PHACTR1: variants seen among roughly 807,000 people sequenced by gnomAD.
The protein encoded by PHACTR1 is phosphatase and actin regulator 1.
PHACTR1 carries 16 observed loss-of-function variants against 69.2 expected under a neutral mutation model. The observed-to-expected ratio is 0.23, with a 90% CI of 0.16 to 0.35. The LOEUF (loss-of-function observed/expected upper bound fraction) is 0.35. Ranked by LOEUF, PHACTR1 falls within the 10% of genes least tolerant of loss-of-function variation. PHACTR1 has a pLI of 1.00. For missense variants in PHACTR1, 510 were observed against 734.7 expected (o/e 0.69, Z 3.54); for synonymous variants, 312 against 284.5 (o/e 1.10, Z -0.97).
At chr6:12,983,439 C>G (rs1014926469) in intron 4 of PHACTR1, among the ~76,000 whole-genome samples, 12 of 152,142 alleles carry the variant, frequency 7.9e-5, no homozygotes, top group African/African-American at 2.7e-4. Flanking sequence ...AAAGTAAAAC[C>G]AAAGAGTCTT....
At chr6:13,149,575 G>A (rs1823989643) in intron 5 of PHACTR1, among the ~76,000 whole-genome samples, 1 of 152,134 alleles carries the variant, frequency 6.6e-6, no homozygotes, top group Admixed American at 6.5e-5. Context: ...AGAGTGGTTG[G>A]GCGTCTGTGT....
At chr6:13,193,535 C>T (rs971317782) in intron 7 of PHACTR1, among the ~76,000 whole-genome samples, 4 of 150,424 alleles carry the variant, frequency 2.7e-5, no homozygotes, top group Admixed American at 6.6e-5. Context: ...TATAGGCATG[C>T]GCCACTACTC....
At chr6:13,011,458 T>G (rs1799441168) in intron 4 of PHACTR1, among the ~76,000 whole-genome samples, 1 of 152,168 alleles carries the variant, frequency 6.6e-6, no homozygotes, top group African/African-American at 2.4e-5. Context: ...TTTATACACT[T>G]AACTTGAACA....
At chr6:12,720,513 A>T (rs1761977374) in intron 3 of PHACTR1, among the ~76,000 whole-genome samples, 1 of 152,206 alleles carries the variant, frequency 6.6e-6, no homozygotes, top group Non-Finnish European at 1.5e-5. Flanking sequence ...AGTGGTCAGA[A>T]TTGTCACCAT....
At chr6:13,260,060 C>T (rs528063949) in intron 10 of PHACTR1, among the ~76,000 whole-genome samples, 5 of 152,190 alleles carry the variant, frequency 3.3e-5, no homozygotes, top group South Asian at 2.1e-4. Context: ...ACTCCAGGGG[C>T]GAGAGATTAT....
intron 3 of PHACTR1, among the ~76,000 whole-genome samples, chr6:12,737,098 C>T (rs1428315383): frequency 6.6e-6 from 1 of 151,934 alleles, no homozygotes; most frequent in African/African-American, 2.4e-5. Flanking sequence ...TGTCATTAGG[C>T]AATTTTGTCA....
chr6:13,124,738 G>A (rs1432738972), intron 5 of PHACTR1, among the ~76,000 whole-genome samples: 1 of 152,202 alleles, frequency 6.6e-6, no homozygotes, highest in African/African-American at 2.4e-5. Flanking sequence ...TGGGGTTCTG[G>A]TAAGGGCTCT....
intron 4 of PHACTR1, among the ~76,000 whole-genome samples, chr6:12,783,972 A>G (rs917688723): frequency 6.6e-6 from 1 of 152,142 alleles, no homozygotes; most frequent in Non-Finnish European, 1.5e-5. Flanking sequence ...TGATATATAC[A>G]TATACACACA....
chr6:13,033,021 C>A (rs1234175581), intron 4 of PHACTR1, among the ~76,000 whole-genome samples: 1 of 152,080 alleles, frequency 6.6e-6, no homozygotes, highest in Admixed American at 6.6e-5. Flanking sequence ...TTCTGAAAGT[C>A]GTAAAAATGA....
At chr6:13,095,537 T>C (rs1814057204) in intron 5 of PHACTR1, among the ~76,000 whole-genome samples, 1 of 152,110 alleles carries the variant, frequency 6.6e-6, no homozygotes, top group Admixed American at 6.6e-5. Flanking sequence ...AAAAAAAATA[T>C]GTATTGTGGG....
At chr6:12,941,600 C>G (rs781725692) in intron 4 of PHACTR1, among the ~76,000 whole-genome samples, 19 of 152,066 alleles carry the variant, frequency 1.2e-4, no homozygotes, top group Admixed American at 3.3e-4. Context: ...TGAATCTGCT[C>G]CTACCTTCAG....
At chr6:12,934,863 T>C (rs1789267284) in intron 4 of PHACTR1, among the ~76,000 whole-genome samples, 1 of 151,888 alleles carries the variant, frequency 6.6e-6, no homozygotes, top group South Asian at 2.1e-4. Context: ...AAAAAAACTT[T>C]AATGAGCACT....
intron 4 of PHACTR1, among the ~76,000 whole-genome samples, chr6:12,828,444 T>G (rs775880323): frequency 2.0e-5 from 3 of 152,206 alleles, no homozygotes; most frequent in Non-Finnish European, 4.4e-5. Context: ...AAAATAATCA[T>G]CAGAAGTAGA....
chr6:12,737,481 G>T (rs1295641061), intron 3 of PHACTR1, among the ~76,000 whole-genome samples: 1 of 151,812 alleles, frequency 6.6e-6, no homozygotes, highest in Non-Finnish European at 1.5e-5. Flanking sequence ...GATTGCGTGT[G>T]TGTATTTTTA....
At chr6:12,840,826 CT>C (rs1203930150) in intron 4 of PHACTR1, among the ~76,000 whole-genome samples, 1 of 152,198 alleles carries the variant, frequency 6.6e-6, no homozygotes, top group Non-Finnish European at 1.5e-5. Flanking sequence ...GATATTATCA[CT>C]GCTTTAAAGG....
chr6:12,913,644 C>T (rs1749990580), intron 4 of PHACTR1, among the ~76,000 whole-genome samples: 1 of 152,194 alleles, frequency 6.6e-6, no homozygotes, highest in African/African-American at 2.4e-5. Flanking sequence ...TTTATCTCAG[C>T]CCCTCTCAAA....
intron 10 of PHACTR1, among the ~76,000 whole-genome samples, chr6:13,238,704 C>T (rs751606713): frequency 1.2e-4 from 19 of 152,062 alleles, no homozygotes; most frequent in East Asian, 5.8e-4. Context: ...TCTGACACAC[C>T]GACACCTAGC....
intron 6 of PHACTR1, among the ~76,000 whole-genome samples, chr6:13,173,955 C>T (rs1448162155): frequency 6.6e-6 from 1 of 152,202 alleles, no homozygotes; most frequent in Non-Finnish European, 1.5e-5. Context: ...GATTCACCTG[C>T]CTCGGCCTCC....
chr6:13,270,447 T>C (rs1477608264), intron 10 of PHACTR1, among the ~76,000 whole-genome samples: 2 of 152,214 alleles, frequency 1.3e-5, no homozygotes, highest in Admixed American at 6.5e-5. Context: ...GTGTTCTTTC[T>C]GGTGGCCAGC....
Sources: gnomAD v4.1 joint callset for allele counts (sites outside exome capture counted in the v4.1 genomes callset) on GRCh38, gnomAD v4.1.1 for gene constraint, MANE v1.5 for transcripts, NCBI Gene and HGNC (gene_info 2026-07-23, HGNC 2026-07-21) for gene names.